The following CFAP77 variants were observed in gnomAD, a reference collection of about 807,000 sequenced individuals.
CFAP77 encodes the protein cilia and flagella associated protein 77.
Under a neutral mutation model 31.1 loss-of-function variants are expected in CFAP77, and 25 were observed. The observed-to-expected ratio is 0.80, with a 90% confidence interval of 0.59 to 1.12. CFAP77 has a LOEUF of 1.12. Among genes scored for constraint, CFAP77 ranks in the 50% most tolerant of loss-of-function variants. The probability of loss-of-function intolerance (pLI) is 0.00; values close to 1 mark genes in which losing one functional copy is unlikely to be tolerated. For missense variants in CFAP77, 377 were observed against 397.3 expected (o/e 0.95, Z 0.44); for synonymous variants, 151 against 159.9 (o/e 0.94, Z 0.42).
intron 5 of CFAP77, among the ~76,000 whole-genome samples, chr9:132,555,554 C>G (rs12348706): frequency 6.6e-6 from 1 of 152,158 alleles, no homozygotes; most frequent in Non-Finnish European, 1.5e-5. Context: ...CCTGAGAAAG[C>G]ACTGTCAGGT....
chr9:132,430,117 G>T (rs1850387008), intron 1 of CFAP77, among the ~76,000 whole-genome samples: 1 of 151,922 alleles, frequency 6.6e-6, no homozygotes, highest in Admixed American at 6.6e-5. Context: ...TCTGGTGGTG[G>T]TTTCCTCTGG....
intron 3 of CFAP77, among the ~76,000 whole-genome samples, chr9:132,530,119 TTTTC>T (rs1259577419): frequency 8.0e-5 from 12 of 150,904 alleles, no homozygotes; most frequent in East Asian, 3.9e-4. Flanking sequence ...CTTTTGCCTC[TTTTC>T]TTTCTTTCTT....
Position 132,499,700 on chromosome 9 carries a change from C to T in CFAP77, c.524+100C>T, listed in dbSNP as rs898130511. 2.0e-5 allele frequency: 20 copies of T among 1,008,280 alleles called. No homozygotes were observed. The highest frequency in any genetic ancestry group is 2.6e-5 in the Non-Finnish European group (17 of 655,268). 62.5% of individuals were successfully genotyped at this position (1,008,280 alleles called of 1,614,324 possible). A position where few individuals can be genotyped will look rare whatever the true frequency, so the allele number is the denominator to read the frequency against. On this transcript the variant is annotated intron_variant, in intron 3 of 5. Coordinates refer to ENST00000393216, the MANE Select transcript of CFAP77 (RefSeq NM_001282957.2). This position sits in a 1 kb window ranked among gnomAD's most constrained non-coding sequence, Gnocchi z 5.4. ...GGGTGACAGGGAAGTGGAGCATCCTCCCAGCCCCACTGTCCTCTCTTCAAT... is the reference window on the plus strand; with the variant it reads ...GGGTGACAGGGAAGTGGAGCATCCTTCCAGCCCCACTGTCCTCTCTTCAAT...
chr9:132,456,328 T>C (rs1013055039), intron 1 of CFAP77, among the ~76,000 whole-genome samples: 3 of 152,242 alleles, frequency 2.0e-5, no homozygotes, highest in African/African-American at 7.2e-5. Flanking sequence ...CCCAGCCTCA[T>C]GTGCCTTGTC....
chr9:132,443,861 G>A (rs1850661515), intron 1 of CFAP77, among the ~76,000 whole-genome samples: 1 of 152,196 alleles, frequency 6.6e-6, no homozygotes, highest in African/African-American at 2.4e-5. Flanking sequence ...TCACTTGTTT[G>A]GGTCTGCAAA....
At position 132,502,849 on chromosome 9, in the gene CFAP77, A is replaced by G. The variant is rs115309517; in HGVS notation, c.524+3249A>G. Reference sequence around the variant, plus strand: ...AGTGGGATTGCGGGATCAGGTGGTAATCGTGTTTTAAGTTTTTGGGGACCC... The same window carrying G: ...AGTGGGATTGCGGGATCAGGTGGTAGTCGTGTTTTAAGTTTTTGGGGACCC... On this transcript the variant is annotated intron_variant, in intron 3 of 5. Coordinates refer to ENST00000393216, the MANE Select transcript of CFAP77 (RefSeq NM_001282957.2). Among the ~76,000 whole-genome samples, 1,252 of 152,096 alleles carry G rather than the reference A, an allele frequency of 8.2e-3. 14 individuals are homozygous for G. The highest frequency in any genetic ancestry group is 0.029 in the African/African-American group (1,184 of 41,480).
intron 1 of CFAP77, among the ~76,000 whole-genome samples, chr9:132,422,920 C>T (rs543514617): frequency 3.9e-5 from 6 of 152,320 alleles, no homozygotes; most frequent in South Asian, 2.1e-4. Context: ...CAGGACGTGT[C>T]CTTCCAGGCT....
intron 3 of CFAP77, among the ~76,000 whole-genome samples, chr9:132,504,307 C>T (rs1387321501): frequency 2.0e-5 from 3 of 152,294 alleles, no homozygotes; most frequent in South Asian, 2.1e-4. Context: ...GGGTTTTCCA[C>T]GGCATCACTG....
chr9:132,493,167 T>TG (rs1851677680), intron 1 of CFAP77, among the ~76,000 whole-genome samples: 1 of 152,118 alleles, frequency 6.6e-6, no homozygotes, highest in African/African-American at 2.4e-5. Context: ...AGAAAGGAAG[T>TG]CCAGGTGCCA....
At chr9:132,555,833 G>A (rs942618294) in intron 5 of CFAP77, among the ~76,000 whole-genome samples, 5 of 152,084 alleles carry the variant, frequency 3.3e-5, no homozygotes, top group African/African-American at 9.7e-5. Context: ...TGTGAGATGG[G>A]GGTGAGATTA....
At chr9:132,451,597 A>G (rs1850828372) in intron 1 of CFAP77, among the ~76,000 whole-genome samples, 1 of 151,980 alleles carries the variant, frequency 6.6e-6, no homozygotes, top group Non-Finnish European at 1.5e-5. Flanking sequence ...ACCTTACTCC[A>G]TAGTTCTCTC....
chr9:132,486,090 A>ATTTTTTTTTTTT (rs1178281920), intron 1 of CFAP77, among the ~76,000 whole-genome samples: 7 of 15,362 alleles, frequency 4.6e-4, no homozygotes, highest in Admixed American at 2.3e-3. Context: ...ATATATATAT[A>ATTTTTTTTTTTT]TTTTTTTTTT....
chr9:132,513,127 TG>T, intron 3 of CFAP77: 1 of 892,892 alleles, frequency 1.1e-6, no homozygotes, highest in Non-Finnish European at 1.7e-6. Flanking sequence ...TCGTGGAGAA[TG>T]GGGTCTCCAG....
chr9:132,559,460 C>G (rs759719585), intron 5 of CFAP77, among the ~76,000 whole-genome samples: 5 of 150,356 alleles, frequency 3.3e-5, no homozygotes, highest in Non-Finnish European at 7.4e-5. Flanking sequence ...CACGGAAACA[C>G]AAATCAAAAT....
At chr9:132,531,294 T>C (rs73659077) in intron 3 of CFAP77, among the ~76,000 whole-genome samples, 5,872 of 152,246 alleles carry the variant, frequency 0.039, 398 homozygotes, top group African/African-American at 0.13. Context: ...ATATAAACCA[T>C]ACCCGCCCTC....
chr9:132,557,416 G>A (rs1026172110), intron 5 of CFAP77, among the ~76,000 whole-genome samples: 11 of 152,210 alleles, frequency 7.2e-5, no homozygotes, highest in African/African-American at 2.7e-4. Context: ...GACTCTCAGA[G>A]CCTGCTGGGC....
intron 5 of CFAP77, among the ~76,000 whole-genome samples, chr9:132,562,730 C>T (rs1829831576): frequency 6.6e-6 from 1 of 151,636 alleles, no homozygotes; most frequent in African/African-American, 2.4e-5. Flanking sequence ...GACAGAGTCT[C>T]GCTCAGTCTC....
At chr9:132,516,943 C>G (rs367700097) in intron 3 of CFAP77, among the ~76,000 whole-genome samples, 26 of 152,302 alleles carry the variant, frequency 1.7e-4, no homozygotes, top group Admixed American at 5.2e-4. Flanking sequence ...ACTTGACAGT[C>G]GGACAGCCAC....
At chr9:132,536,391 CTTTTTT>C (rs35488775) in intron 3 of CFAP77, among the ~76,000 whole-genome samples, 1 of 122,352 alleles carries the variant, frequency 8.2e-6, no homozygotes, top group Admixed American at 8.9e-5. Context: ...GCTCATAGTT[CTTTTTT>C]TTTTTTTTTT....
Sources: allele counts gnomAD v4.1 joint callset (sites outside exome capture counted in the v4.1 genomes callset), GRCh38; gene constraint gnomAD v4.1.1; non-coding constraint Gnocchi (gnomAD v3.1); transcripts MANE v1.5; gene names NCBI Gene and HGNC (gene_info 2026-07-23, HGNC 2026-07-21).